The following COL23A1 variants were observed in gnomAD, a reference collection of about 807,000 sequenced individuals.
COL23A1 encodes collagen type XXIII alpha 1 chain.
Under a neutral mutation model 99.3 loss-of-function variants are expected in COL23A1, and 97 were observed. The ratio of observed to expected loss-of-function variants is 0.98; its 90% CI spans 0.83 to 1.16. The LOEUF is 1.16. COL23A1 is among the 50% of genes most tolerant of loss of function. COL23A1 has a pLI of 0.00. For missense variants in COL23A1, 762 were observed against 757.4 expected, an observed-to-expected ratio of 1.01 and a Z score of -0.07; for synonymous variants, 320 against 308.2, an observed-to-expected ratio of 1.04 and a Z score of -0.40.
At chr5:178,575,113 CT>C (rs1763283020) in intron 1 of COL23A1, among the ~76,000 whole-genome samples, 1 of 152,182 alleles carries the variant, frequency 6.6e-6, no homozygotes, top group Admixed American at 6.5e-5. Flanking sequence ...TTGGTCCATC[CT>C]TTTTCAACAC....
At chr5:178,567,524 C>G (rs553571874) in intron 1 of COL23A1, among the ~76,000 whole-genome samples, 1 of 152,162 alleles carries the variant, frequency 6.6e-6, no homozygotes, top group Non-Finnish European at 1.5e-5. Flanking sequence ...GGGCAGATTA[C>G]TTGAGGTCAG....
intron 2 of COL23A1, among the ~76,000 whole-genome samples, chr5:178,489,423 G>A (rs1996222): frequency 0.36 from 54,077 of 152,120 alleles, 11,676 homozygotes; most frequent in Admixed American, 0.5. Flanking sequence ...CCACGTTACC[G>A]GCTCCTCTGG....
intron 2 of COL23A1, among the ~76,000 whole-genome samples, chr5:178,339,138 T>TA (rs1237922727): frequency 6.6e-6 from 1 of 152,130 alleles, no homozygotes; most frequent in Non-Finnish European, 1.5e-5. Flanking sequence ...CTCTGCCTAT[T>TA]AGAGAGCTCT....
intron 2 of COL23A1, among the ~76,000 whole-genome samples, chr5:178,489,604 G>T (rs1757819127): frequency 1.3e-5 from 2 of 152,196 alleles, no homozygotes; most frequent in Non-Finnish European, 2.9e-5. Flanking sequence ...TGGGGGAGAG[G>T]CAGGAATAAA....
chr5:178,532,426 G>A (rs1428304067), intron 2 of COL23A1, among the ~76,000 whole-genome samples: 2 of 151,958 alleles, frequency 1.3e-5, no homozygotes, highest in African/African-American at 4.8e-5. Flanking sequence ...GGCCCCCAAG[G>A]TGCCCCAAGA....
In COL23A1 at chr5:178,364,115, T is replaced by C. The variant is rs1337085157; in HGVS notation, c.362-57196A>G. Among the ~76,000 whole-genome samples the C allele has an allele frequency of 2.6e-5, 4 of 152,168 alleles. No homozygotes were observed. The East Asian group carries it at 7.7e-4, about 29-fold the overall frequency. ...GGTCACATGGGGAGCTCTTCTTTGA[T>C]CTTGTGCCACATGGACATTTAAAGC... On this transcript the variant is annotated intron_variant, in intron 2 of 28. Transcript: ENST00000390654.
At chr5:178,525,880 A>C (rs931214649) in intron 2 of COL23A1, among the ~76,000 whole-genome samples, 5 of 152,286 alleles carry the variant, frequency 3.3e-5, no homozygotes, top group African/African-American at 1.2e-4. Context: ...GAAGCACTGG[A>C]GAAGAGCCCA....
At position 178,452,169 on chromosome 5, in the gene COL23A1, G is replaced by A. The variant is rs118043336; in HGVS notation, c.361+108513C>T. Reference sequence around the variant, plus strand: ...TTGACACATGAATAGACAGATCAATGGAACAAAATAAAATGTCCAAAAGTA... The same window carrying A: ...TTGACACATGAATAGACAGATCAATAGAACAAAATAAAATGTCCAAAAGTA... On this transcript the variant is annotated intron_variant, in intron 2 of 28. Transcript: ENST00000390654. 1.1e-3 allele frequency among the ~76,000 whole-genome samples: 166 copies of A among 152,134 alleles called. 1 individual carries two copies. In the East Asian group the frequency reaches 0.025, roughly 23 times the overall value.
intron 2 of COL23A1, among the ~76,000 whole-genome samples, chr5:178,367,357 G>A (rs1020704982): frequency 1.4e-4 from 21 of 150,816 alleles, no homozygotes; most frequent in Non-Finnish European, 2.4e-4. Flanking sequence ...CCTCTGGAGC[G>A]GCAAGAAGCA....
intron 2 of COL23A1, among the ~76,000 whole-genome samples, chr5:178,515,797 C>T (rs6868242): frequency 0.35 from 53,523 of 151,868 alleles, 11,090 homozygotes; most frequent in Admixed American, 0.49. Flanking sequence ...ACAGCCCACT[C>T]GCCTGCTCTC....
At chr5:178,254,576 C>T (rs914898917) in intron 16 of COL23A1, among the ~76,000 whole-genome samples, 1 of 152,198 alleles carries the variant, frequency 6.6e-6, no homozygotes, top group African/African-American at 2.4e-5. Flanking sequence ...GCTTGCCACT[C>T]TCATCCTCCC....
chr5:178,499,332 G>A (rs112861647), intron 2 of COL23A1, among the ~76,000 whole-genome samples: 94 of 152,156 alleles, frequency 6.2e-4, no homozygotes, highest in African/African-American at 1.8e-3. Context: ...ATTTTACAGC[G>A]GAAAAATCAG....
chr5:178,303,668 A>G (rs1381065987), intron 3 of COL23A1, among the ~76,000 whole-genome samples: 2 of 152,228 alleles, frequency 1.3e-5, no homozygotes, highest in Non-Finnish European at 2.9e-5. Context: ...AGGTTTGTGT[A>G]GGCACTGGCC....
chr5:178,365,779 C>T lies in COL23A1; in HGVS notation c.362-58860G>A, dbSNP rs2973708. Among the ~76,000 whole-genome samples the T allele has an allele frequency of 0.055, 8,365 of 152,194 alleles. 247 individuals carry two copies. The highest frequency in any genetic ancestry group is 0.078 in the African/African-American group (3,240 of 41,498). ...TGTCACCTTTCTCACACCCAGGAGTCCTCTGTGACCTGGGAGGGGGCCCAC... is the reference window on the plus strand; with the variant it reads ...TGTCACCTTTCTCACACCCAGGAGTTCTCTGTGACCTGGGAGGGGGCCCAC... On this transcript the variant is annotated intron_variant, in intron 2 of 28. Coordinates refer to ENST00000390654, the MANE Select transcript of COL23A1 (RefSeq NM_173465.4). The surrounding 1 kb of genome is among the most constrained non-coding windows in gnomAD (Gnocchi z 5.2).
Position 178,449,500 on chromosome 5 carries a change from T to C in COL23A1, c.361+111182A>G, listed in dbSNP as rs368923460. 5.3e-5 allele frequency among the ~76,000 whole-genome samples: 8 copies of C among 152,162 alleles called. No homozygotes were observed. In the East Asian group the frequency reaches 7.7e-4, roughly 15 times the overall value. On this transcript the variant is annotated intron_variant, in intron 2 of 28. Coordinates refer to ENST00000390654, the MANE Select transcript of COL23A1 (RefSeq NM_173465.4). Reference sequence around the variant, plus strand: ...CAACGACGCTGTCCTTCAAGCCTCATGAATAAAGCTGTTTTCTATGGTTGG... The same window carrying C: ...CAACGACGCTGTCCTTCAAGCCTCACGAATAAAGCTGTTTTCTATGGTTGG...
intron 2 of COL23A1, among the ~76,000 whole-genome samples, chr5:178,505,609 C>A (rs1166646567): frequency 6.6e-6 from 1 of 152,138 alleles, no homozygotes; most frequent in Non-Finnish European, 1.5e-5. Flanking sequence ...GTGTTAATCA[C>A]CTCATGTTAA....
At chr5:178,245,496 C>T (rs1434350811) in intron 25 of COL23A1, among the ~76,000 whole-genome samples, 1 of 150,586 alleles carries the variant, frequency 6.6e-6, no homozygotes, top group Non-Finnish European at 1.5e-5. Context: ...TCATCATCCA[C>T]CCACCCATCA....
chr5:178,440,545 A>T (rs1229681702), intron 2 of COL23A1, among the ~76,000 whole-genome samples: 2 of 152,248 alleles, frequency 1.3e-5, no homozygotes, highest in African/African-American at 2.4e-5. Flanking sequence ...TAAAAAATGA[A>T]ATACAATAGA....
chr5:178,535,129 C>T (rs1321732260), intron 2 of COL23A1, among the ~76,000 whole-genome samples: 3 of 151,958 alleles, frequency 2.0e-5, no homozygotes, highest in Non-Finnish European at 4.4e-5. Flanking sequence ...CCTGCTACCA[C>T]ACCCGGCTAA....
Sources: gnomAD v4.1 joint callset for allele counts (sites outside exome capture counted in the v4.1 genomes callset) on GRCh38, gnomAD v4.1.1 for gene constraint, Gnocchi (gnomAD v3.1) non-coding constraint, MANE v1.5 for transcripts, NCBI Gene and HGNC (gene_info 2026-07-23, HGNC 2026-07-21) for gene names.